GRIK4: variants seen among roughly 807,000 people sequenced by gnomAD.
The protein encoded by GRIK4 is glutamate receptor ionotropic, kainate 4.
Under a neutral mutation model 104.9 loss-of-function variants are expected in GRIK4, and 40 were observed. The ratio of observed to expected loss-of-function variants is 0.38; its 90% CI spans 0.30 to 0.50. GRIK4 has a LOEUF of 0.50. GRIK4 is among the 20% of genes least tolerant of loss of function. The pLI is 0.93. For missense variants in GRIK4, 1,047 were observed against 1,308.1 expected, an observed-to-expected ratio of 0.80 and a Z score of 3.08; for synonymous variants, 485 against 524.9, an observed-to-expected ratio of 0.92 and a Z score of 1.04.
intron 3 of GRIK4, among the ~76,000 whole-genome samples, chr11:120,795,416 G>A (rs116450100): frequency 1.8e-3 from 281 of 152,292 alleles, no homozygotes; most frequent in African/African-American, 6.6e-3. Context: ...CTGTGTCGTG[G>A]GGCTGCTGTC....
chr11:120,915,436 G>A (rs953097327), intron 13 of GRIK4, among the ~76,000 whole-genome samples: 7 of 152,004 alleles, frequency 4.6e-5, no homozygotes, highest in South Asian at 4.2e-4. Context: ...GCCAGGCTGC[G>A]GCTGGGCTCT....
intron 3 of GRIK4, among the ~76,000 whole-genome samples, chr11:120,753,115 A>G (rs1247744539): frequency 2.6e-5 from 4 of 152,182 alleles, no homozygotes; most frequent in South Asian, 2.1e-4. Flanking sequence ...CTGAGCACGG[A>G]TGGGTGGTTT....
intron 1 of GRIK4, among the ~76,000 whole-genome samples, chr11:120,586,229 T>G (rs912944618): frequency 6.6e-6 from 1 of 151,812 alleles, no homozygotes; most frequent in Non-Finnish European, 1.5e-5. Flanking sequence ...TCTTGAAGGA[T>G]GAAGAGGAGT....
At chr11:120,741,520 C>T (rs543692725) in intron 3 of GRIK4, among the ~76,000 whole-genome samples, 37 of 152,090 alleles carry the variant, frequency 2.4e-4, no homozygotes, top group African/African-American at 7.9e-4. Context: ...CCTCGTGATC[C>T]GCCCGCCTCA....
At chr11:120,871,408 A>T (rs1954605998) in intron 9 of GRIK4, 1 of 353,060 alleles carries the variant, frequency 2.8e-6, no homozygotes, top group Non-Finnish European at 5.6e-6. Context: ...ATGAAGAAGG[A>T]GCTGAGGGCA....
At chr11:120,514,886 C>T (rs1947706318) in intron 1 of GRIK4, 2 of 440,658 alleles carry the variant, frequency 4.5e-6, no homozygotes, top group Non-Finnish European at 4.6e-6. Flanking sequence ...CTACTTGGGC[C>T]TTTGGCTGTT....
At chr11:120,830,983 A>G (rs1261607897) in intron 6 of GRIK4, among the ~76,000 whole-genome samples, 1 of 150,842 alleles carries the variant, frequency 6.6e-6, no homozygotes, top group East Asian at 2.0e-4. Context: ...ATCATTCTGG[A>G]ACCCCTCCTC....
chr11:120,936,951 A>T (rs1359901897), intron 13 of GRIK4, among the ~76,000 whole-genome samples: 4 of 151,518 alleles, frequency 2.6e-5, no homozygotes, highest in Non-Finnish European at 5.9e-5. Flanking sequence ...TCCTGGGTGG[A>T]ATCACAGTCC....
At chr11:120,699,675 G>A (rs564145172) in intron 3 of GRIK4, among the ~76,000 whole-genome samples, 2 of 152,168 alleles carry the variant, frequency 1.3e-5, no homozygotes, top group Admixed American at 6.5e-5. Context: ...TTGTAGACAG[G>A]GTGGGCATGG....
At chr11:120,554,806 G>C (rs1156856758) in intron 1 of GRIK4, among the ~76,000 whole-genome samples, 1 of 152,162 alleles carries the variant, frequency 6.6e-6, no homozygotes, top group Non-Finnish European at 1.5e-5. Context: ...TGATCTGCCT[G>C]CCTTGGCCTC....
At chr11:120,983,234 G>T (rs1369100518) in intron 20 of GRIK4, among the ~76,000 whole-genome samples, 3 of 152,094 alleles carry the variant, frequency 2.0e-5, no homozygotes, top group Admixed American at 1.3e-4. Flanking sequence ...CCACCATTGT[G>T]AACGTGTCTG....
intron 8 of GRIK4, among the ~76,000 whole-genome samples, chr11:120,853,090 G>A (rs1470051933): frequency 6.6e-6 from 1 of 152,178 alleles, no homozygotes; most frequent in African/African-American, 2.4e-5. Flanking sequence ...CCTTGGAGAG[G>A]TAGCTTTGAA....
At chr11:120,728,573 C>T (rs1951071840) in intron 3 of GRIK4, among the ~76,000 whole-genome samples, 1 of 151,960 alleles carries the variant, frequency 6.6e-6, no homozygotes, top group Non-Finnish European at 1.5e-5. Flanking sequence ...ATGGTATATG[C>T]AAAACATTTT....
intron 6 of GRIK4, among the ~76,000 whole-genome samples, chr11:120,820,692 C>A (rs913183451): frequency 6.6e-6 from 1 of 152,186 alleles, no homozygotes; most frequent in African/African-American, 2.4e-5. Flanking sequence ...CAGGGCTTAC[C>A]TGGGGGTTTT....
intron 14 of GRIK4, among the ~76,000 whole-genome samples, chr11:120,944,332 A>C (rs1393098639): frequency 6.6e-6 from 1 of 152,008 alleles, no homozygotes; most frequent in Non-Finnish European, 1.5e-5. Flanking sequence ...CTGTGAATCT[A>C]ACCCTGGCTG....
chr11:120,557,650 G>A (rs957332479), intron 1 of GRIK4, among the ~76,000 whole-genome samples: 4 of 152,194 alleles, frequency 2.6e-5, no homozygotes, highest in Admixed American at 6.5e-5. Context: ...GTCTGAATCT[G>A]GAAGGGGTCT....
rs1307256787 is a variant in GRIK4, at chr11:120,537,216, A to G, written c.-159+25329A>G. ...TGTTCCTTACTCTTTGCCTTCAACT[A>G]GTGGACATGCAGGATCCCTTGTCTC... On this transcript the variant is annotated intron_variant, in intron 1 of 20. Coordinates refer to ENST00000527524, the MANE Select transcript of GRIK4 (RefSeq NM_014619.5). Among the ~76,000 whole-genome samples the G allele has an allele frequency of 2.0e-5, 3 of 152,150 alleles. No homozygotes were observed. The East Asian group carries it at 5.8e-4, about 29-fold the overall frequency.
At position 120,789,357 on chromosome 11, in the gene GRIK4, G is replaced by A. The variant is rs577621104; in HGVS notation, c.83-13336G>A. On this transcript the variant is annotated intron_variant, in intron 3 of 20. Coordinates refer to ENST00000527524, the MANE Select transcript of GRIK4 (RefSeq NM_014619.5). Reference sequence around the variant, plus strand: ...GGTCACTGATGTCACTATCTAAATTGTCAGTGAAGCCAAGAGCCCTCTTAC... The same window carrying A: ...GGTCACTGATGTCACTATCTAAATTATCAGTGAAGCCAAGAGCCCTCTTAC... 2.0e-5 allele frequency among the ~76,000 whole-genome samples: 3 copies of A among 152,054 alleles called. No individual in the cohort carries two copies. The South Asian group carries it at 6.3e-4, about 32-fold the overall frequency.
chr11:120,574,176 T>C (rs1191269090), intron 1 of GRIK4, among the ~76,000 whole-genome samples: 1 of 152,214 alleles, frequency 6.6e-6, no homozygotes, highest in African/African-American at 2.4e-5. Flanking sequence ...GGTGGGGCTC[T>C]GTCATGCTGG....
Sources: allele counts gnomAD v4.1 joint callset (sites outside exome capture counted in the v4.1 genomes callset), GRCh38; gene constraint gnomAD v4.1.1; transcripts MANE v1.5; gene names NCBI Gene and HGNC (gene_info 2026-07-23, HGNC 2026-07-21).